PTPRK: variants seen among roughly 807,000 people sequenced by gnomAD.
PTPRK encodes receptor-type tyrosine-protein phosphatase kappa.
In PTPRK, 75 loss-of-function variants were observed where a neutral mutation model predicts 178.0. The ratio of observed to expected loss-of-function variants is 0.42; its 90% CI spans 0.35 to 0.51. PTPRK has a LOEUF of 0.51. PTPRK is among the 20% of genes least tolerant of loss of function. The pLI is 0.02. For synonymous variants in PTPRK, 637 were observed against 620.6 expected (o/e 1.03, Z -0.39); for missense variants, 1,441 against 1,797.8 (o/e 0.80, Z 3.59).
At chr6:128,256,601 C>A (rs1253535693) in intron 3 of PTPRK, among the ~76,000 whole-genome samples, 1 of 151,892 alleles carries the variant, frequency 6.6e-6, no homozygotes, top group African/African-American at 2.4e-5. Flanking sequence ...CCACACCTGG[C>A]TAATTTTTGT....
intron 3 of PTPRK, among the ~76,000 whole-genome samples, chr6:128,249,178 A>G (rs1304143233): frequency 6.6e-6 from 1 of 152,122 alleles, no homozygotes; most frequent in Admixed American, 6.5e-5. Flanking sequence ...AATACAGAGT[A>G]GAAGAACAAA....
chr6:128,056,560 GATTAC>G (rs1779931127), intron 13 of PTPRK, among the ~76,000 whole-genome samples: 1 of 151,908 alleles, frequency 6.6e-6, no homozygotes, highest in African/African-American at 2.4e-5. Flanking sequence ...AAGTAGCTGG[GATTAC>G]AGGTGCCCGC....
chr6:128,445,886 A>T (rs1846945804), intron 1 of PTPRK, among the ~76,000 whole-genome samples: 1 of 152,168 alleles, frequency 6.6e-6, no homozygotes. Context: ...AAACTGAGCA[A>T]CAATTAACCT....
At chr6:128,096,335 A>G (rs539064320) in intron 7 of PTPRK, among the ~76,000 whole-genome samples, 1 of 152,330 alleles carries the variant, frequency 6.6e-6, no homozygotes, top group Admixed American at 6.5e-5. Context: ...TCACCTCTCA[A>G]GAGCAAGATG....
intron 2 of PTPRK, among the ~76,000 whole-genome samples, chr6:128,335,164 C>T (rs1397636232): frequency 2.0e-5 from 3 of 152,116 alleles, no homozygotes; most frequent in Non-Finnish European, 4.4e-5. Context: ...TTAACAGCCA[C>T]GTTCTGTCAC....
intron 1 of PTPRK, among the ~76,000 whole-genome samples, chr6:128,440,963 T>C (rs891370536): frequency 2.0e-5 from 3 of 152,162 alleles, no homozygotes; most frequent in African/African-American, 4.8e-5. Context: ...CTGTATTTGA[T>C]GGATGCTGCT....
At chr6:128,229,800 A>T (rs1166285552) in intron 5 of PTPRK, among the ~76,000 whole-genome samples, 1 of 152,232 alleles carries the variant, frequency 6.6e-6, no homozygotes, top group Non-Finnish European at 1.5e-5. Flanking sequence ...AAAAAAGAGT[A>T]AGTCATCTTT....
At chr6:128,345,290 A>G (rs1303973277) in intron 2 of PTPRK, among the ~76,000 whole-genome samples, 2 of 152,206 alleles carry the variant, frequency 1.3e-5, no homozygotes, top group African/African-American at 4.8e-5. Context: ...AGAGAATTAC[A>G]CATTTAGATA....
At chr6:128,099,566 A>C (rs1392630033) in intron 7 of PTPRK, among the ~76,000 whole-genome samples, 1 of 152,088 alleles carries the variant, frequency 6.6e-6, no homozygotes, top group Non-Finnish European at 1.5e-5. Flanking sequence ...TTTGCTTTTC[A>C]TCACACATCT....
intron 7 of PTPRK, among the ~76,000 whole-genome samples, chr6:128,151,469 T>A (rs574554901): frequency 1.3e-5 from 2 of 151,856 alleles, no homozygotes; most frequent in South Asian, 4.1e-4. Flanking sequence ...TGGTAAGAGA[T>A]CCCATACATA....
Position 128,052,420 on chromosome 6 carries a change from T to A in PTPRK, c.2194+12338A>T, listed in dbSNP as rs886655044. Among the ~76,000 whole-genome samples, 6 of 152,202 alleles carry A rather than the reference T, an allele frequency of 3.9e-5. 1 individual carries two copies. Among genetic ancestry groups the A allele is most frequent in the African/African-American group, 1.4e-4 (6 of 41,470 alleles). Reference sequence around the variant, plus strand: ...AGTTATATTTAGTTGCTATATCTCTTTGGTCCCCTTCAGCCTGCGCAGTCC... The same window carrying A: ...AGTTATATTTAGTTGCTATATCTCTATGGTCCCCTTCAGCCTGCGCAGTCC... On this transcript the variant is annotated intron_variant, in intron 13 of 29. Transcript: ENST00000368226.
chr6:128,422,676 CAAAAAAAAAA>C (rs750423577), intron 1 of PTPRK, among the ~76,000 whole-genome samples: 4 of 14,704 alleles, frequency 2.7e-4, no homozygotes, highest in Non-Finnish European at 4.6e-4. Context: ...TTCACGGACG[CAAAAAAAAAA>C]AAAAAAAAAA....
chr6:128,237,334 T>A (rs996932257), intron 5 of PTPRK, among the ~76,000 whole-genome samples: 1 of 147,794 alleles, frequency 6.8e-6, no homozygotes, highest in African/African-American at 2.6e-5. Flanking sequence ...ATTATTCCAT[T>A]ACCTCTGTGG....
intron 1 of PTPRK, among the ~76,000 whole-genome samples, chr6:128,454,895 AT>A (rs1315715034): frequency 1.3e-5 from 2 of 152,104 alleles, no homozygotes; most frequent in Admixed American, 1.3e-4. Flanking sequence ...TCCTGAAGAA[AT>A]TTTTTTAATG....
intron 1 of PTPRK, among the ~76,000 whole-genome samples, chr6:128,490,558 T>C (rs1202177304): frequency 6.6e-6 from 1 of 152,182 alleles, no homozygotes; most frequent in Non-Finnish European, 1.5e-5. Flanking sequence ...CAGTACAGCA[T>C]GGTGATTAAC....
chr6:128,017,802 G>GTATGTA (rs1554268827), intron 13 of PTPRK, among the ~76,000 whole-genome samples: 30 of 101,260 alleles, frequency 3.0e-4, no homozygotes, highest in African/African-American at 8.3e-4. Flanking sequence ...ATATATATGT[G>GTATGTA]TATATATATA....
intron 3 of PTPRK, among the ~76,000 whole-genome samples, chr6:128,295,388 T>A (rs1042488918): frequency 1.3e-5 from 2 of 151,988 alleles, no homozygotes; most frequent in African/African-American, 4.8e-5. Context: ...ATTTCTCAAG[T>A]GAGTACAAAG....
chr6:128,048,421 C>T (rs1012581852), intron 13 of PTPRK, among the ~76,000 whole-genome samples: 4 of 152,120 alleles, frequency 2.6e-5, no homozygotes, highest in East Asian at 3.9e-4. Context: ...CTCAAGGTTC[C>T]GCATATGTTC....
chr6:128,258,226 GTGATTA>G (rs1164221467), intron 3 of PTPRK, among the ~76,000 whole-genome samples: 3 of 152,094 alleles, frequency 2.0e-5, no homozygotes, highest in East Asian at 3.9e-4. Flanking sequence ...TAAGAAAATA[GTGATTA>G]TGTGAAATTC....
Sources: gnomAD v4.1 joint callset for allele counts (sites outside exome capture counted in the v4.1 genomes callset) on GRCh38, gnomAD v4.1.1 for gene constraint, MANE v1.5 for transcripts, NCBI Gene and HGNC (gene_info 2026-07-23, HGNC 2026-07-21) for gene names.